Variants in L3MBTL4 observed in about 807,000 individuals in gnomAD.
The protein encoded by L3MBTL4 is lethal(3)malignant brain tumor-like protein 4.
In L3MBTL4, 70 loss-of-function variants were observed where a neutral mutation model predicts 84.5. That is an observed-to-expected ratio of 0.83 (90% CI 0.68 to 1.01). The LOEUF is 1.01. Among genes scored for constraint, L3MBTL4 ranks in the 50% least tolerant of loss-of-function variants. The pLI is 0.00. For missense variants in L3MBTL4, 715 were observed against 754.8 expected (o/e 0.95, Z 0.62); for synonymous variants, 274 against 259.8 (o/e 1.05, Z -0.52).
At chr18:5,957,919 C>A (rs1455370251) in intron 18 of L3MBTL4, among the ~76,000 whole-genome samples, 2 of 148,384 alleles carry the variant, frequency 1.3e-5, no homozygotes, top group African/African-American at 2.5e-5. Context: ...AAGATCATCC[C>A]AATGCATTCC....
chr18:6,249,102 A>G (rs943847430), intron 5 of L3MBTL4, among the ~76,000 whole-genome samples: 1 of 152,186 alleles, frequency 6.6e-6, no homozygotes, highest in Non-Finnish European at 1.5e-5. Flanking sequence ...GTTTTCCAGC[A>G]GATTGTATTT....
At chr18:5,965,195 C>T (rs1027332751) in intron 17 of L3MBTL4, among the ~76,000 whole-genome samples, 3 of 152,162 alleles carry the variant, frequency 2.0e-5, no homozygotes, top group Admixed American at 6.5e-5. Flanking sequence ...TCAAAGCCTA[C>T]CTACACTTTG....
chr18:6,346,495 C>CA (rs560369575), intron 1 of L3MBTL4, among the ~76,000 whole-genome samples: 1 of 151,514 alleles, frequency 6.6e-6, no homozygotes, highest in Non-Finnish European at 1.5e-5. Context: ...AATTCAACTA[C>CA]AAAAAAAATT....
intron 16 of L3MBTL4, among the ~76,000 whole-genome samples, chr18:6,023,884 C>T (rs115236973): frequency 0.019 from 2,889 of 152,280 alleles, 91 homozygotes; most frequent in African/African-American, 0.067. Flanking sequence ...GAACCCAATG[C>T]AGTTCAGCTG....
At chr18:6,065,238 C>T (rs987196447) in intron 16 of L3MBTL4, among the ~76,000 whole-genome samples, 12 of 151,828 alleles carry the variant, frequency 7.9e-5, no homozygotes, top group African/African-American at 2.7e-4. Context: ...TTTTGATGTG[C>T]TGTTGGATTT....
chr18:6,190,099 G>A (rs75369730), intron 12 of L3MBTL4, among the ~76,000 whole-genome samples: 6 of 152,008 alleles, frequency 3.9e-5, no homozygotes, highest in African/African-American at 1.4e-4. Flanking sequence ...GCACATTAAG[G>A]CAAAAACAAA....
At chr18:6,105,483 C>A (rs2058973904) in intron 14 of L3MBTL4, among the ~76,000 whole-genome samples, 1 of 151,696 alleles carries the variant, frequency 6.6e-6, no homozygotes, top group African/African-American at 2.4e-5. Context: ...AGCCACTGCA[C>A]CCAGCCAATA....
intron 10 of L3MBTL4, among the ~76,000 whole-genome samples, chr18:6,232,649 T>C (rs1235262668): frequency 6.6e-6 from 1 of 152,118 alleles, no homozygotes; most frequent in African/African-American, 2.4e-5. Context: ...AACATAGTCC[T>C]TGCTCACACA....
At chr18:6,283,355 A>G (rs899234754) in intron 4 of L3MBTL4, among the ~76,000 whole-genome samples, 4 of 152,222 alleles carry the variant, frequency 2.6e-5, no homozygotes, top group African/African-American at 9.6e-5. Context: ...TGAGAAACAT[A>G]TTGTACTATT....
chr18:6,047,776 C>G (rs1739051652), intron 16 of L3MBTL4, among the ~76,000 whole-genome samples: 1 of 152,154 alleles, frequency 6.6e-6, no homozygotes, highest in Admixed American at 6.5e-5. Context: ...CCATCTGTGA[C>G]AAACCCACAG....
chr18:6,108,399 T>A (rs754300316), intron 14 of L3MBTL4, among the ~76,000 whole-genome samples: 21 of 152,188 alleles, frequency 1.4e-4, no homozygotes, highest in Non-Finnish European at 2.5e-4. Context: ...CAATAGAAAT[T>A]TTCCAGTTGC....
At chr18:6,245,746 C>A (rs112833953) in intron 5 of L3MBTL4, among the ~76,000 whole-genome samples, 1 of 151,854 alleles carries the variant, frequency 6.6e-6, no homozygotes, top group Non-Finnish European at 1.5e-5. Flanking sequence ...TGCACCACTA[C>A]GGCCTGGCTA....
intron 1 of L3MBTL4, among the ~76,000 whole-genome samples, chr18:6,313,425 T>C (rs2050933231): frequency 1.3e-5 from 2 of 152,364 alleles, no homozygotes; most frequent in East Asian, 3.9e-4. Context: ...AAAAAAACAC[T>C]TCTTTTCCAC....
intron 1 of L3MBTL4, among the ~76,000 whole-genome samples, chr18:6,378,653 C>G (rs148644118): frequency 0.012 from 1,770 of 152,170 alleles, 13 homozygotes; most frequent in South Asian, 0.016. Context: ...ATTTCTGAGG[C>G]CTCTGTTCTG....
At chr18:6,091,380 A>G (rs977587110) in intron 15 of L3MBTL4, among the ~76,000 whole-genome samples, 11 of 152,236 alleles carry the variant, frequency 7.2e-5, no homozygotes, top group Non-Finnish European at 8.8e-5. Context: ...ATTGGAATGC[A>G]AGGATGGCTT....
At chr18:6,083,789 A>G (rs1481180083) in intron 15 of L3MBTL4, among the ~76,000 whole-genome samples, 1 of 152,204 alleles carries the variant, frequency 6.6e-6, no homozygotes, top group Non-Finnish European at 1.5e-5. Flanking sequence ...GTATCTGTTT[A>G]TACCTGATTT....
intron 1 of L3MBTL4, among the ~76,000 whole-genome samples, chr18:6,330,009 C>T (rs2729734): frequency 6.6e-6 from 1 of 152,208 alleles, no homozygotes; most frequent in East Asian, 1.9e-4. Flanking sequence ...GTTCACCTTT[C>T]CTCTTGTATA....
chr18:5,998,704 T>C (rs182843693), intron 16 of L3MBTL4, among the ~76,000 whole-genome samples: 33 of 152,268 alleles, frequency 2.2e-4, no homozygotes, highest in Admixed American at 9.8e-4. Flanking sequence ...CAATCAGTCA[T>C]TTTCCAGGAC....
At position 6,077,447 on chromosome 18, in the gene L3MBTL4, C is replaced by T. The variant is rs1029088240; in HGVS notation, c.1444+3434G>A. On this transcript the variant is annotated intron_variant, in intron 16 of 18. Coordinates refer to ENST00000317931, the MANE Select transcript of L3MBTL4 (RefSeq NM_001330559.2). Reference sequence around the variant, plus strand: ...TATATATTATTGCGATATATGTTTACGTATTGAAAAAAGTGTGTTCAGTAG... The same window carrying T: ...TATATATTATTGCGATATATGTTTATGTATTGAAAAAAGTGTGTTCAGTAG... Among the ~76,000 whole-genome samples, 52 of 151,682 alleles carry T rather than the reference C, an allele frequency of 3.4e-4. 1 individual carries two copies. The highest frequency in any genetic ancestry group is 3.3e-3 in the Admixed American group (50 of 15,236).
Sources: gnomAD v4.1 joint callset for allele counts (sites outside exome capture counted in the v4.1 genomes callset) on GRCh38, gnomAD v4.1.1 for gene constraint, MANE v1.5 for transcripts, NCBI Gene and HGNC (gene_info 2026-07-23, HGNC 2026-07-21) for gene names.